ZSCAN25: variants seen among roughly 807,000 people sequenced by gnomAD.
The protein encoded by ZSCAN25 is zinc finger and SCAN domain-containing protein 25.
In ZSCAN25, 27 loss-of-function variants were observed where a neutral mutation model predicts 38.7. The ratio of observed to expected loss-of-function variants is 0.70; its 90% CI spans 0.51 to 0.96. ZSCAN25 has a LOEUF of 0.96. ZSCAN25 is among the 40% of genes least tolerant of loss of function. The pLI is 0.00. For synonymous variants in ZSCAN25, 273 were observed against 277.7 expected, an observed-to-expected ratio of 0.98 and a Z score of 0.17; for missense variants, 637 against 705.9, an observed-to-expected ratio of 0.90 and a Z score of 1.11.
the ZSCAN25 span, chr7:99,660,244 TTAC>T: frequency 1.1e-6 from 1 of 912,464 alleles, no homozygotes; most frequent in Non-Finnish European, 1.3e-6. Context: ...TTTTTTTTTT[TTAC>T]TTAGCATTAT....
the ZSCAN25 span, chr7:99,663,685 A>G: frequency 1.1e-5 from 11 of 1,040,942 alleles, no homozygotes; most frequent in Admixed American, 1.7e-4. Context: ...TCCTTTGACA[A>G]TTTATTAAAG....
the ZSCAN25 span, among the ~76,000 whole-genome samples, chr7:99,638,978 C>G: frequency 6.6e-6 from 1 of 152,244 alleles, no homozygotes; most frequent in Non-Finnish European, 1.5e-5. Flanking sequence ...CACCTGGGGC[C>G]GGAGTCTGCG....
At chr7:99,686,122 C>T in the ZSCAN25 span, among the ~76,000 whole-genome samples, 4 of 152,262 alleles carry the variant, frequency 2.6e-5, no homozygotes, top group South Asian at 4.1e-4. Context: ...TCTGAGGTAC[C>T]GGGTTCATCT....
At chr7:99,706,588 A>T in the ZSCAN25 span, among the ~76,000 whole-genome samples, 1 of 152,240 alleles carries the variant, frequency 6.6e-6, no homozygotes, top group African/African-American at 2.4e-5. Context: ...AATCAATGAC[A>T]TCTGTTCTTT....
At chr7:99,683,674 A>C in the ZSCAN25 span, among the ~76,000 whole-genome samples, 1 of 151,952 alleles carries the variant, frequency 6.6e-6, no homozygotes, top group Non-Finnish European at 1.5e-5. Flanking sequence ...TGCCCTGTTT[A>C]GGCTCTGGCT....
At chr7:99,637,723 A>C in the ZSCAN25 span, among the ~76,000 whole-genome samples, 1 of 152,172 alleles carries the variant, frequency 6.6e-6, no homozygotes, top group Non-Finnish European at 1.5e-5. Context: ...ACTAAGTTAG[A>C]ACTCATAAGA....
the ZSCAN25 span, among the ~76,000 whole-genome samples, chr7:99,733,628 C>G: frequency 6.6e-6 from 1 of 152,146 alleles, no homozygotes; most frequent in Non-Finnish European, 1.5e-5. Flanking sequence ...TGATGGTGCC[C>G]TTGTGTCCAG....
At chr7:99,652,820 A>C in the ZSCAN25 span, 3 of 1,501,020 alleles carry the variant, frequency 2.0e-6, no homozygotes, top group Non-Finnish European at 2.8e-6. Context: ...TGAGATTTTG[A>C]ATTAACTCTC....
the ZSCAN25 span, chr7:99,676,261 A>C: frequency 6.2e-7 from 1 of 1,609,274 alleles, no homozygotes; most frequent in Non-Finnish European, 8.5e-7. Context: ...TATAGATCAG[A>C]GGGCTGGTGA....
chr7:99,707,353 T>G, the ZSCAN25 span, among the ~76,000 whole-genome samples: 44 of 152,346 alleles, frequency 2.9e-4, no homozygotes, highest in Non-Finnish European at 5.9e-4. Context: ...ATTTCTGAGA[T>G]GTTCCAGGCA....
At chr7:99,645,107 C>T in the ZSCAN25 span, among the ~76,000 whole-genome samples, 2 of 152,220 alleles carry the variant, frequency 1.3e-5, no homozygotes, top group South Asian at 2.1e-4. Context: ...TCTCGTGCCT[C>T]AGCCTCCCGA....
At chr7:99,660,392 G>A in the ZSCAN25 span, 1 of 1,480,322 alleles carries the variant, frequency 6.8e-7, no homozygotes. Flanking sequence ...TGTCAGTGAA[G>A]GAATCAGTGA....
chr7:99,730,980 G>A, the ZSCAN25 span: 1 of 1,562,514 alleles, frequency 6.4e-7, no homozygotes, highest in Non-Finnish European at 8.8e-7. Context: ...TTCCTCTTGA[G>A]GAGAAGCATT....
the ZSCAN25 span, among the ~76,000 whole-genome samples, chr7:99,726,034 G>A: frequency 6.6e-6 from 1 of 152,240 alleles, no homozygotes; most frequent in African/African-American, 2.4e-5. Context: ...ATTAGGCTGA[G>A]ATATTTTAAC....
chr7:99,622,796 A>G (rs1170096136), intron 6 of ZSCAN25, among the ~76,000 whole-genome samples, 156 bp downstream of exon 6: 1 of 152,070 alleles, frequency 6.6e-6, no homozygotes, highest in Admixed American at 6.5e-5. Flanking sequence ...GGTTTCCTCC[A>G]CTGAACCATC....
At chr7:99,622,325 G>T (rs2151266739) in intron 5 of ZSCAN25, 1 of 574,812 alleles carries the variant, frequency 1.7e-6, no homozygotes, top group Non-Finnish European at 3.1e-6. Context: ...GGACAATCTT[G>T]CCAGCTGAGA....
At chr7:99,696,249 T>C in the ZSCAN25 span, among the ~76,000 whole-genome samples, 7 of 149,358 alleles carry the variant, frequency 4.7e-5, no homozygotes, top group African/African-American at 1.7e-4. Flanking sequence ...TTTTTTTTTT[T>C]CTCTTCTGCA....
chr7:99,704,571 G>A, the ZSCAN25 span, among the ~76,000 whole-genome samples: 4 of 152,096 alleles, frequency 2.6e-5, no homozygotes, highest in African/African-American at 9.7e-5. Context: ...GATTACAGGT[G>A]TGAGCCACTG....
At chr7:99,732,886 A>G in the ZSCAN25 span, among the ~76,000 whole-genome samples, 6 of 151,594 alleles carry the variant, frequency 4.0e-5, no homozygotes, top group African/African-American at 1.4e-4. Context: ...ATAAGTAACC[A>G]TAAAATGTTC....
Sources: gnomAD v4.1 joint callset for allele counts (sites outside exome capture counted in the v4.1 genomes callset) on GRCh38, gnomAD v4.1.1 for gene constraint, MANE v1.5 for transcripts, NCBI Gene and HGNC (gene_info 2026-07-23, HGNC 2026-07-21) for gene names.